The following SGK1 variants were observed in gnomAD, a reference collection of about 807,000 sequenced individuals.
SGK1 encodes serine/threonine-protein kinase Sgk1.
In SGK1, 26 loss-of-function variants were observed where a neutral mutation model predicts 64.2. The ratio of observed to expected loss-of-function variants is 0.40; its 90% confidence interval spans 0.30 to 0.56. SGK1 has a LOEUF of 0.56. Among genes scored for constraint, SGK1 ranks in the 20% least tolerant of loss-of-function variants. The pLI is 0.38. For synonymous variants in SGK1, 265 were observed against 239.7 expected (o/e 1.11, Z -0.98); for missense variants, 519 against 645.6 (o/e 0.80, Z 2.12).
Position 134,272,669 on chromosome 6 carries a change from A to G in SGK1, c.70-10521T>C, listed in dbSNP as rs938981951. ...TCTCTTAGCCGAGCTTCATGAAAAA[A>G]TAATCTCCATTTCCTCATCTCACAT... On this transcript the variant is annotated intron_variant, in intron 1 of 13. Coordinates refer to ENST00000367858, the MANE Select transcript of SGK1 (RefSeq NM_001143676.3). Among the ~76,000 whole-genome samples the G allele has an allele frequency of 1.1e-4, 16 of 147,900 alleles. 1 individual carries two copies. Among genetic ancestry groups the G allele is most frequent in the Admixed American group, 4.9e-4 (7 of 14,418 alleles).
At chr6:134,312,875 C>T (rs1777626457) in intron 1 of SGK1, among the ~76,000 whole-genome samples, 1 of 152,104 alleles carries the variant, frequency 6.6e-6, no homozygotes, top group Non-Finnish European at 1.5e-5. Flanking sequence ...CTGGTTCAAG[C>T]GATTCTCCTG....
At chr6:134,296,867 G>A (rs1283701492) in intron 1 of SGK1, 3 of 202,810 alleles carry the variant, frequency 1.5e-5, no homozygotes, top group Admixed American at 5.6e-5. Context: ...TTCCCCGCAC[G>A]TGGGCTGAGG....
At chr6:134,177,245 AC>A (rs1424937257) in intron 3 of SGK1, among the ~76,000 whole-genome samples, 4 of 152,024 alleles carry the variant, frequency 2.6e-5, no homozygotes, top group Non-Finnish European at 4.4e-5. Flanking sequence ...CAAAACAAAA[AC>A]AAAAACAAAA....
rs1479181383 is a variant in SGK1 at position 134,170,032 on chromosome 6, T to C, written c.*236A>G. The C allele has an allele frequency of 3.0e-6, 1 of 332,438 alleles. No homozygotes were observed. 20.6% of individuals were successfully genotyped at this position (332,438 alleles called of 1,614,324 possible). On this transcript the variant is annotated 3_prime_UTR_variant, in exon 14 of 14. Transcript: ENST00000367858. ...TCTAAGGCGGCACTCTAACGCTCGT[T>C]TCAGAGATAGCACCACGTTGGAAGG...
intron 3 of SGK1, among the ~76,000 whole-genome samples, chr6:134,197,879 TATAAAATAAA>T (rs1249804051): frequency 2.7e-4 from 23 of 86,228 alleles, no homozygotes; most frequent in Non-Finnish European, 4.6e-4. Flanking sequence ...TAAAATAAAA[TATAAAATAAA>T]ATAAAATAAA....
chr6:134,252,772 T>A (rs1049223476), intron 2 of SGK1, among the ~76,000 whole-genome samples: 1 of 152,092 alleles, frequency 6.6e-6, no homozygotes, highest in African/African-American at 2.4e-5. Flanking sequence ...AAATAAGGAC[T>A]ATTGTGGGTG....
At chr6:134,177,681 T>C (rs1775268048) in intron 3 of SGK1, 1 of 1,613,896 alleles carries the variant, frequency 6.2e-7, no homozygotes, top group Non-Finnish European at 8.5e-7. Flanking sequence ...GGGGGTTTTA[T>C]AGCTTCTTCT....
chr6:134,191,441 C>T (rs911062158), intron 3 of SGK1, among the ~76,000 whole-genome samples: 1 of 152,158 alleles, frequency 6.6e-6, no homozygotes, highest in Non-Finnish European at 1.5e-5. Flanking sequence ...TAAAGTTCTT[C>T]GTTAGGCTGT....
chr6:134,213,713 C>T (rs1410743929), intron 2 of SGK1, among the ~76,000 whole-genome samples: 1 of 151,886 alleles, frequency 6.6e-6, no homozygotes, highest in Non-Finnish European at 1.5e-5. Flanking sequence ...AAGAAGTGAC[C>T]AGCGCCTGGA....
chr6:134,312,775 A>AT (rs111846448), intron 1 of SGK1, among the ~76,000 whole-genome samples: 77 of 149,424 alleles, frequency 5.2e-4, no homozygotes, highest in African/African-American at 1.7e-3. Flanking sequence ...ATATATGATA[A>AT]TTTTTTTTTT....
At chr6:134,190,445 A>T (rs1279906193) in intron 3 of SGK1, among the ~76,000 whole-genome samples, 2 of 151,914 alleles carry the variant, frequency 1.3e-5, no homozygotes, top group Non-Finnish European at 2.9e-5. Flanking sequence ...ACCACCAGGC[A>T]TGGCTAATTT....
intron 1 of SGK1, among the ~76,000 whole-genome samples, chr6:134,270,974 C>A (rs995569568): frequency 4.1e-5 from 5 of 122,880 alleles, no homozygotes; most frequent in Non-Finnish European, 1.6e-5. Context: ...AATTCATCAA[C>A]GTACGTTTTT....
intron 7 of SGK1, 42 bp downstream of exon 7, chr6:134,173,232 G>A: frequency 6.2e-7 from 1 of 1,609,286 alleles, no homozygotes; most frequent in Non-Finnish European, 8.5e-7. Context: ...TATTCAAGGA[G>A]TGTCTACCGC....
At position 134,197,854 on chromosome 6, in the gene SGK1, A is replaced by AAAATT. The variant is rs1301575788; in HGVS notation, c.361+9497_361+9501dup. Among the ~76,000 whole-genome samples the AAAATT allele has an allele frequency of 7.4e-3, 1,081 of 146,734 alleles. 12 individuals are homozygous for AAAATT. Among genetic ancestry groups the AAAATT allele is most frequent in the Non-Finnish European group, 0.012 (800 of 66,892 alleles). On this transcript the variant is annotated intron_variant, in intron 3 of 13. Transcript: ENST00000367858. ...AGAATAAAATAAAATAAAATAAAAT[A>AAAATT]AAATTAAATTAAAATAAAATAAAAT...
chr6:134,280,117 C>T lies in SGK1; in HGVS notation c.70-17969G>A, dbSNP rs140011190. ...GGCTGAGGTGGAAGGGTTGCTTGAG[C>T]CCAGGAGGTTGAGGCTGCAGTGAGC... is the stretch of plus-strand genomic sequence containing the variant. On this transcript the variant is annotated intron_variant, in intron 1 of 13. Coordinates refer to ENST00000367858, the MANE Select transcript of SGK1 (RefSeq NM_001143676.3). Among the ~76,000 whole-genome samples the T allele has an allele frequency of 1.3e-3, 200 of 151,770 alleles. 1 individual carries two copies. Among genetic ancestry groups the T allele is most frequent in the Non-Finnish European group, 2.3e-3 (158 of 67,914 alleles).
chr6:134,267,418 C>T (rs1020421381), intron 1 of SGK1, among the ~76,000 whole-genome samples: 2 of 151,988 alleles, frequency 1.3e-5, no homozygotes, highest in Non-Finnish European at 2.9e-5. Context: ...TCGCCTCAGC[C>T]TCCCAGTTAC....
At chr6:134,197,076 C>CA (rs1181863344) in intron 3 of SGK1, among the ~76,000 whole-genome samples, 7 of 151,670 alleles carry the variant, frequency 4.6e-5, no homozygotes, top group Non-Finnish European at 7.4e-5. Context: ...CTACAAAAAA[C>CA]AAAAAAATTA....
rs1472871114 is a variant in SGK1, at chr6:134,242,789, A to C, written c.285+19144T>G. Among the ~76,000 whole-genome samples, 3 of 152,192 alleles carry C rather than the reference A, an allele frequency of 2.0e-5. No homozygotes were observed. In the East Asian group the frequency reaches 5.8e-4, roughly 29 times the overall value. ...CTAGAATTTTTTAAATTTTCAAAAC[A>C]GTAATCTGTCCTTGAGTGTGAACTA... is the stretch of plus-strand genomic sequence containing the variant. On this transcript the variant is annotated intron_variant, in intron 2 of 13. Transcript: ENST00000367858.
chr6:134,173,691 C>T, intron 5 of SGK1, 125 bp from the exon 6 acceptor site: 1 of 666,120 alleles, frequency 1.5e-6, no homozygotes, highest in Non-Finnish European at 2.5e-6. Context: ...CATCTATAAA[C>T]ATTCAAAACT....
Sources: gnomAD v4.1 joint callset for allele counts (sites outside exome capture counted in the v4.1 genomes callset) on GRCh38, gnomAD v4.1.1 for gene constraint, MANE v1.5 for transcripts, NCBI Gene and HGNC (gene_info 2026-07-23, HGNC 2026-07-21) for gene names.